Variants in ARHGAP24 observed in about 807,000 individuals in gnomAD.
ARHGAP24 encodes the protein rho GTPase-activating protein 24.
Under a neutral mutation model 76.4 loss-of-function variants are expected in ARHGAP24, and 50 were observed. That is an observed-to-expected ratio of 0.65 (90% CI 0.52 to 0.83). The LOEUF is 0.83. Ranked by LOEUF, ARHGAP24 falls within the 40% of genes least tolerant of loss-of-function variation. ARHGAP24 has a pLI of 0.00. For missense variants in ARHGAP24, 930 were observed against 914.2 expected (o/e 1.02, Z -0.22); for synonymous variants, 345 against 323.3 (o/e 1.07, Z -0.72).
In ARHGAP24 at chr4:85,995,023, C is replaced by A; in HGVS notation, c.1369C>A (p.Leu457Ile). 2 of 1,614,032 alleles carry A rather than the reference C, an allele frequency of 1.2e-6. No homozygotes were observed. The highest frequency in any genetic ancestry group is 2.2e-5 in the South Asian group (2 of 91,072). ...AACCCAAACCACCCCCAATGGGAGCCTACAGGCCAGAAGGAGCTCTTCACT... is the reference window on the plus strand; with the variant it reads ...AACCCAAACCACCCCCAATGGGAGCATACAGGCCAGAAGGAGCTCTTCACT... Reference protein sequence around the residue: ...EKTQTTPNGSLQARRSSSLKV... With the variant: ...EKTQTTPNGSIQARRSSSLKV... Residue 457 changes from leucine (L) to isoleucine (I), a missense_variant, in exon 9 of 10, where the codon CTA (leucine) becomes ATA (isoleucine). Coordinates refer to ENST00000395184, the MANE Select transcript of ARHGAP24 (RefSeq NM_001025616.3).
At chr4:85,828,094 G>T (rs1187323655) in intron 3 of ARHGAP24, 1 of 725,450 alleles carries the variant, frequency 1.4e-6, no homozygotes, top group African/African-American at 1.8e-5. Flanking sequence ...GACTGTGTGC[G>T]GTTTTATTTA....
chr4:85,887,581 T>C (rs1400577811), intron 3 of ARHGAP24, among the ~76,000 whole-genome samples: 4 of 152,158 alleles, frequency 2.6e-5, no homozygotes, highest in Non-Finnish European at 4.4e-5. Flanking sequence ...TTGTAAATAT[T>C]TTACAACACT....
intron 1 of ARHGAP24, among the ~76,000 whole-genome samples, chr4:85,500,353 A>G (rs1017415108): frequency 6.6e-6 from 1 of 152,224 alleles, no homozygotes; most frequent in African/African-American, 2.4e-5. Context: ...CCATGGCTCT[A>G]CAAGGGAATA....
chr4:85,952,629 T>A (rs2148833748), intron 5 of ARHGAP24, among the ~76,000 whole-genome samples: 1 of 152,360 alleles, frequency 6.6e-6, no homozygotes, highest in Middle Eastern at 3.4e-3. Flanking sequence ...TTTCTGCTCT[T>A]CTTTAATTAT....
chr4:85,545,190 C>T (rs570443926), intron 1 of ARHGAP24, among the ~76,000 whole-genome samples: 5 of 152,128 alleles, frequency 3.3e-5, no homozygotes, highest in Non-Finnish European at 7.4e-5. Context: ...ACCTCCGCCT[C>T]GTGGGTTCAA....
At chr4:85,649,258 T>C (rs2109978934) in intron 2 of ARHGAP24, among the ~76,000 whole-genome samples, 1 of 152,276 alleles carries the variant, frequency 6.6e-6, no homozygotes, top group African/African-American at 2.4e-5. Context: ...TATTCTTGAC[T>C]GTCTCATTTA....
chr4:85,483,779 A>G (rs1249229915), intron 1 of ARHGAP24, among the ~76,000 whole-genome samples: 1 of 152,116 alleles, frequency 6.6e-6, no homozygotes, highest in Admixed American at 6.5e-5. Flanking sequence ...ATTTTTAAAA[A>G]CCTTTAAGGG....
intron 3 of ARHGAP24, among the ~76,000 whole-genome samples, chr4:85,872,566 G>A (rs1293591972): frequency 7.1e-6 from 1 of 141,216 alleles, no homozygotes. Context: ...AAAGTGCTGG[G>A]ATTATAGGCA....
At chr4:85,729,983 A>T (rs1221933123) in intron 3 of ARHGAP24, among the ~76,000 whole-genome samples, 1 of 152,178 alleles carries the variant, frequency 6.6e-6, no homozygotes, top group Admixed American at 6.5e-5. Flanking sequence ...CCAGAGCCAG[A>T]ATTAGAACTC....
chr4:85,696,027 A>T (rs1723852009), intron 2 of ARHGAP24, among the ~76,000 whole-genome samples: 1 of 152,178 alleles, frequency 6.6e-6, no homozygotes, highest in Non-Finnish European at 1.5e-5. Context: ...AAATGAGAAT[A>T]TAGTATTTTG....
chr4:85,849,974 G>A (rs534739995), intron 3 of ARHGAP24, among the ~76,000 whole-genome samples: 14 of 152,230 alleles, frequency 9.2e-5, no homozygotes, highest in African/African-American at 2.9e-4. Context: ...AAATGAGTTA[G>A]GGAGGATTCT....
intron 7 of ARHGAP24, among the ~76,000 whole-genome samples, chr4:85,976,430 A>G (rs554786790): frequency 9.2e-5 from 14 of 152,206 alleles, no homozygotes; most frequent in Non-Finnish European, 1.6e-4. Flanking sequence ...CATGACTCTC[A>G]TCTGTAAAAC....
intron 1 of ARHGAP24, among the ~76,000 whole-genome samples, chr4:85,493,449 C>T (rs1409833521): frequency 6.6e-6 from 1 of 152,172 alleles, no homozygotes; most frequent in Non-Finnish European, 1.5e-5. Context: ...CACTTACTTA[C>T]TTTCAATTAT....
intron 2 of ARHGAP24, among the ~76,000 whole-genome samples, chr4:85,687,414 A>G (rs1019183333): frequency 6.6e-6 from 1 of 152,094 alleles, no homozygotes; most frequent in Non-Finnish European, 1.5e-5. Flanking sequence ...TTTTTAATCC[A>G]CAGCCCCTAC....
At chr4:85,622,102 T>G in intron 2 of ARHGAP24, among the ~76,000 whole-genome samples, 1 of 152,082 alleles carries the variant, frequency 6.6e-6, no homozygotes, top group South Asian at 2.1e-4. Flanking sequence ...TTTAAAAATT[T>G]TATTATTATT....
intron 6 of ARHGAP24, among the ~76,000 whole-genome samples, chr4:85,972,893 A>T (rs2148852023): frequency 6.6e-6 from 1 of 152,194 alleles, no homozygotes; most frequent in African/African-American, 2.4e-5. Context: ...AAGTTTACTC[A>T]TGTTGTGCCA....
intron 3 of ARHGAP24, among the ~76,000 whole-genome samples, chr4:85,784,511 C>T (rs1452681): frequency 0.2 from 30,478 of 151,966 alleles, 4,183 homozygotes; most frequent in Non-Finnish European, 0.3. Flanking sequence ...CGTCCCCTTC[C>T]TCCAGATGCA....
At chr4:85,589,457 G>A (rs1331982583) in intron 2 of ARHGAP24, among the ~76,000 whole-genome samples, 1 of 152,178 alleles carries the variant, frequency 6.6e-6, no homozygotes, top group African/African-American at 2.4e-5. Context: ...TGGTAGGACT[G>A]ATTGACTTGA....
intron 6 of ARHGAP24, among the ~76,000 whole-genome samples, chr4:85,972,737 T>A (rs1334942394): frequency 1.3e-5 from 2 of 152,190 alleles, no homozygotes; most frequent in Non-Finnish European, 2.9e-5. Flanking sequence ...ATACCCTCTC[T>A]TAATTCTCCT....
Sources: allele counts gnomAD v4.1 joint callset (sites outside exome capture counted in the v4.1 genomes callset), GRCh38; gene constraint gnomAD v4.1.1; transcripts MANE v1.5; gene names NCBI Gene and HGNC (gene_info 2026-07-23, HGNC 2026-07-21).